The following ITGA11 variants were observed in gnomAD, a reference collection of about 807,000 sequenced individuals.
ITGA11 encodes integrin subunit alpha 11, also known as integrin alpha-11.
Under a neutral mutation model 141.9 loss-of-function variants are expected in ITGA11, and 97 were observed. The observed-to-expected ratio is 0.68, with a 90% CI of 0.58 to 0.81. The LOEUF (loss-of-function observed/expected upper bound fraction) is 0.81. ITGA11 is among the 30% of genes least tolerant of loss of function. The pLI, the probability that ITGA11 is intolerant of heterozygous loss-of-function variation, is 0.00. For missense variants in ITGA11, 1,387 were observed against 1,559.2 expected, an observed-to-expected ratio of 0.89 and a Z score of 1.86; for synonymous variants, 658 against 624.6, an observed-to-expected ratio of 1.05 and a Z score of -0.80.
intron 1 of ITGA11, among the ~76,000 whole-genome samples, chr15:68,410,593 T>G (rs1896751366): frequency 1.3e-5 from 2 of 152,212 alleles, no homozygotes; most frequent in Admixed American, 1.3e-4. Context: ...GGCTGTTTCG[T>G]ATCCTCTGCA....
Position 68,400,663 on chromosome 15 carries a change from TA to T in ITGA11, c.164+2254del, listed in dbSNP as rs1566938477. Among the ~76,000 whole-genome samples, 135 of 54,998 alleles carry T rather than the reference TA, an allele frequency of 2.5e-3. 10 individuals carry two copies. Among genetic ancestry groups the T allele is most frequent in the Non-Finnish European group, 2.9e-3 (97 of 33,698 alleles). 36.1% of individuals were successfully genotyped at this position (54,998 alleles called of 152,430 possible). ...AATATTATATATTATATAATAAATA[TA>T]TTATATATTATATAATAAATATTAT... On this transcript the variant is annotated intron_variant, in intron 2 of 29. Transcript: ENST00000315757.
chr15:68,312,786 C>T lies in ITGA11; in HGVS notation c.2960G>A (p.Ser987Asn). ...CTCCAGCCTCACCCTGAAGATGCAG[C>T]TGAAGGGAGGCCCGATACCATCGTA... ...ERYDGIGPPF[S>N]CIFRIQNLGL... Residue 987 changes from serine (S) to asparagine (N), a missense_variant, in exon 24 of 30, where the codon AGC (serine) becomes AAC (asparagine). Coordinates refer to ENST00000315757, the MANE Select transcript of ITGA11 (RefSeq NM_001004439.2). 4 of 1,613,300 alleles carry T rather than the reference C, an allele frequency of 2.5e-6. No homozygotes were observed. Among genetic ancestry groups the T allele is most frequent in the Non-Finnish European group, 3.4e-6 (4 of 1,179,428 alleles).
intron 7 of ITGA11, 117 bp downstream of exon 7, chr15:68,357,034 A>G: frequency 1.0e-6 from 1 of 954,348 alleles, no homozygotes; most frequent in African/African-American, 1.7e-5. Flanking sequence ...ATTTTGAGGA[A>G]TTAAGAAATT....
chr15:68,322,461 C>T lies in ITGA11; in HGVS notation c.2323-958G>A, dbSNP rs1595858349. Among the ~76,000 whole-genome samples, 1 of 152,050 alleles carries T rather than the reference C, an allele frequency of 6.6e-6. No homozygotes were observed. The highest frequency in any genetic ancestry group is 1.9e-4 in the East Asian group (1 of 5,174). ...GGAAATAGGTTAGTGACCCCAGAGG[C>T]GGGATCAATAGGAACCTGGAGGTTG... On this transcript the variant is annotated intron_variant, in intron 18 of 29. Transcript: ENST00000315757. The surrounding 1 kb of genome is among the most constrained non-coding windows in gnomAD (Gnocchi z 5.6).
At chr15:68,396,004 A>G (rs1343305818) in intron 2 of ITGA11, among the ~76,000 whole-genome samples, 1 of 152,032 alleles carries the variant, frequency 6.6e-6, no homozygotes, top group Non-Finnish European at 1.5e-5. Context: ...CTACCAGAGA[A>G]TAGAAAAAAA....
At chr15:68,420,450 T>G (rs1013715072) in intron 1 of ITGA11, among the ~76,000 whole-genome samples, 2 of 152,200 alleles carry the variant, frequency 1.3e-5, no homozygotes, top group African/African-American at 2.4e-5. Context: ...CCTTCCTCCC[T>G]TCAGCAACCT....
At chr15:68,339,692 G>C (rs1894501295) in intron 10 of ITGA11, 48 bp from the exon 11 acceptor site, 2 of 1,606,568 alleles carry the variant, frequency 1.2e-6, no homozygotes, top group Middle Eastern at 1.7e-4. Context: ...TCATGGGCCA[G>C]TTGCCAGGAG....
Position 68,395,777 on chromosome 15 carries a change from C to T in ITGA11, c.164+7141G>A, listed in dbSNP as rs947894790. Among the ~76,000 whole-genome samples, 9 of 140,286 alleles carry T rather than the reference C, an allele frequency of 6.4e-5. No individual in the cohort carries two copies. In the East Asian group the frequency reaches 6.6e-4, roughly 10 times the overall value. 92.0% of individuals were successfully genotyped at this position (140,286 alleles called of 152,430 possible). A position where few individuals can be genotyped will look rare whatever the true frequency, so the allele number is the denominator to read the frequency against. On this transcript the variant is annotated intron_variant, in intron 2 of 29. Coordinates refer to ENST00000315757, the MANE Select transcript of ITGA11 (RefSeq NM_001004439.2). Reference sequence around the variant, plus strand: ...CAGGAGAAATACCTAATGTAAATGACGAGTCAATGGGTGCAGCAAACCAAC... The same window carrying T: ...CAGGAGAAATACCTAATGTAAATGATGAGTCAATGGGTGCAGCAAACCAAC...
intron 2 of ITGA11, among the ~76,000 whole-genome samples, chr15:68,377,844 C>T (rs76142567): frequency 0.017 from 2,625 of 152,294 alleles, 78 homozygotes; most frequent in East Asian, 0.096. Flanking sequence ...AGCTGTGCCC[C>T]TTCCTATGGG....
chr15:68,314,527 T>C (rs1893504457), intron 22 of ITGA11, among the ~76,000 whole-genome samples: 1 of 152,192 alleles, frequency 6.6e-6, no homozygotes, highest in South Asian at 2.1e-4. Context: ...TTGGAAGCCT[T>C]ACCCCAGGAT....
chr15:68,415,141 C>A (rs1333979122), intron 1 of ITGA11, among the ~76,000 whole-genome samples: 1 of 152,214 alleles, frequency 6.6e-6, no homozygotes, highest in East Asian at 1.9e-4. Flanking sequence ...GCCTTATCCC[C>A]CTGCCTTTCT....
chr15:68,382,160 T>C (rs1350200771), intron 2 of ITGA11, among the ~76,000 whole-genome samples: 1 of 152,210 alleles, frequency 6.6e-6, no homozygotes, highest in Non-Finnish European at 1.5e-5. Flanking sequence ...CAAGAAGCCA[T>C]AAAGAAACAA....
At chr15:68,384,158 A>G (rs1895927467) in intron 2 of ITGA11, among the ~76,000 whole-genome samples, 1 of 151,474 alleles carries the variant, frequency 6.6e-6, no homozygotes, top group Non-Finnish European at 1.5e-5. Context: ...GGTGGAGCTG[A>G]GATTAGCTCC....
intron 3 of ITGA11, chr15:68,365,021 G>A (rs1046454245): frequency 1.9e-6 from 1 of 536,902 alleles, no homozygotes; most frequent in African/African-American, 2.1e-5. Context: ...CAAACAACCT[G>A]CCCAAGGTCA....
At chr15:68,348,146 C>T (rs1490300248) in intron 10 of ITGA11, among the ~76,000 whole-genome samples, 1 of 152,242 alleles carries the variant, frequency 6.6e-6, no homozygotes, top group Non-Finnish European at 1.5e-5. Context: ...CCTTATGAAC[C>T]AGCACCAGGT....
At position 68,357,004 on chromosome 15, in the gene ITGA11, G is replaced by A. The variant is rs75912295; in HGVS notation, c.749+147C>T. Reference sequence around the variant, plus strand: ...GGACCCAAGAGAAAACCGACCAGCTGAGCCCAGTCAAACTCCAGAATTTTG... The same window carrying A: ...GGACCCAAGAGAAAACCGACCAGCTAAGCCCAGTCAAACTCCAGAATTTTG... On this transcript the variant is annotated intron_variant, in intron 7 of 29. Coordinates refer to ENST00000315757, the MANE Select transcript of ITGA11 (RefSeq NM_001004439.2). 814 of 734,484 alleles carry A rather than the reference G, an allele frequency of 1.1e-3. 7 individuals carry two copies. The East Asian group carries it at 0.019, about 17-fold the overall frequency. The allele number at this position is 734,484 out of a possible 1,614,324, so 45.5% of individuals were successfully genotyped here.
At chr15:68,426,564 G>A (rs908238568) in intron 1 of ITGA11, among the ~76,000 whole-genome samples, 1 of 152,094 alleles carries the variant, frequency 6.6e-6, no homozygotes, top group Non-Finnish European at 1.5e-5. Context: ...TGTCTAGCTG[G>A]GCCTAGAAGC....
intron 1 of ITGA11, among the ~76,000 whole-genome samples, chr15:68,426,202 A>C (rs1356519380): frequency 1.3e-5 from 2 of 152,238 alleles, no homozygotes; most frequent in African/African-American, 4.8e-5. Context: ...AGGCACAGCC[A>C]GTTGAAATGG....
At chr15:68,320,032 C>T (rs1326219165) in intron 20 of ITGA11, among the ~76,000 whole-genome samples, 153 bp downstream of exon 20, 1 of 152,064 alleles carries the variant, frequency 6.6e-6, no homozygotes, top group African/African-American at 2.4e-5. Context: ...TCAAGTGATC[C>T]TCCCACCTCA....
Sources: gnomAD v4.1 joint callset for allele counts (sites outside exome capture counted in the v4.1 genomes callset) on GRCh38, gnomAD v4.1.1 for gene constraint, Gnocchi (gnomAD v3.1) non-coding constraint, MANE v1.5 for transcripts, NCBI Gene and HGNC (gene_info 2026-07-23, HGNC 2026-07-21) for gene names.